Variants in GNAS-AS1 observed in about 807,000 individuals in gnomAD.
The protein encoded by GNAS-AS1 is GNAS antisense RNA 1 (non-protein coding).
At chr20:58,818,972 C>T (rs1008331208) in exon 5 of GNAS-AS1, 11 of 398,278 alleles carry the variant, frequency 2.8e-5, no homozygotes, top group African/African-American at 2.1e-4. Flanking sequence ...CTAGATACGC[C>T]CCATCTCCAA....
Position 58,841,673 on chromosome 20 carries a change from G to A in GNAS-AS1, n.819+264C>T. The A allele has an allele frequency of 8.5e-7, 1 of 1,169,754 alleles. No individual in the cohort carries two copies. The highest frequency in any genetic ancestry group is 1.1e-6 in the Non-Finnish European group (1 of 948,268). The allele number at this position is 1,169,754 out of a possible 1,614,324, so 72.5% of individuals were successfully genotyped here. On this transcript the variant is annotated intron_variant and non_coding_transcript_variant, in intron 4 of 4. Coordinates refer to ENST00000424094, the Ensembl canonical transcript of GNAS-AS1. The surrounding 1 kb of genome is among the most constrained non-coding windows in gnomAD (Gnocchi z 5.0). Reference sequence around the variant, plus strand: ...GGCGGTTAGGGGAAAGTACCTGGGGGAAAGGTAGAGGAGGTAAGGGGACCC... The same window carrying A: ...GGCGGTTAGGGGAAAGTACCTGGGGAAAAGGTAGAGGAGGTAAGGGGACCC...
chr20:58,825,718 T>G (rs1157825637), intron 4 of GNAS-AS1, among the ~76,000 whole-genome samples: 1 of 152,158 alleles, frequency 6.6e-6, no homozygotes, highest in African/African-American at 2.4e-5. Context: ...CTAAGGTACT[T>G]TTGCGCTTAG....
At position 58,830,378 on chromosome 20, in the gene GNAS-AS1, A is replaced by ACCG. The variant is rs1245361743; in HGVS notation, n.820-11124_820-11123insCGG. Among the ~76,000 whole-genome samples the ACCG allele has an allele frequency of 5.5e-4, 66 of 120,804 alleles. 5 individuals carry two copies. Among genetic ancestry groups the ACCG allele is most frequent in the African/African-American group, 1.2e-3 (37 of 29,850 alleles). The allele number at this position is 120,804 out of a possible 152,430, so 79.3% of individuals were successfully genotyped here. On this transcript the variant is annotated intron_variant and non_coding_transcript_variant, in intron 4 of 4. Transcript: ENST00000424094. Reference sequence around the variant, plus strand: ...CCATCACCACCACCACAACACCATCACCACAATCACCACCACCATCACTGC... The same window carrying ACCG: ...CCATCACCACCACCACAACACCATCACCGCCACAATCACCACCACCATCACTGC...
Position 58,840,899 on chromosome 20 carries a change from C to A in GNAS-AS1, n.819+1038G>T. ...TTCATGGATTCAGGTTAGTTGCCCA[C>A]CGCTAAACTGGGGAGCCTGAGGGCG... On this transcript the variant is annotated intron_variant and non_coding_transcript_variant, in intron 4 of 4. Transcript: ENST00000424094. The surrounding 1 kb of genome is among the most constrained non-coding windows in gnomAD (Gnocchi z 6.0). The A allele has an allele frequency of 6.2e-7, 1 of 1,612,070 alleles. No individual in the cohort carries two copies. Among genetic ancestry groups the A allele is most frequent in the Non-Finnish European group, 8.5e-7 (1 of 1,179,646 alleles).
chr20:58,843,690 A>C (rs1319316291), intron 2 of GNAS-AS1, among the ~76,000 whole-genome samples: 1 of 152,198 alleles, frequency 6.6e-6, no homozygotes, highest in African/African-American at 2.4e-5. Context: ...GCTAAACATG[A>C]TGATATGCCC....
At chr20:58,850,408 C>G (rs1259035435) in intron 1 of GNAS-AS1, 3 of 397,344 alleles carry the variant, frequency 7.6e-6, no homozygotes, top group Non-Finnish European at 1.3e-5. Flanking sequence ...GAACAGAGAC[C>G]CTGAACCCGT....
chr20:58,828,177 G>A (rs2145454263), intron 4 of GNAS-AS1, among the ~76,000 whole-genome samples: 1 of 152,358 alleles, frequency 6.6e-6, no homozygotes, highest in African/African-American at 2.4e-5. Context: ...CTTCCCGGCT[G>A]CCATGTGGAC....
chr20:58,821,667 C>G (rs1394660063), intron 4 of GNAS-AS1, among the ~76,000 whole-genome samples: 4 of 152,158 alleles, frequency 2.6e-5, no homozygotes, highest in Non-Finnish European at 5.9e-5. Flanking sequence ...CAGGAGGAGA[C>G]TCACACTTCT....
In GNAS-AS1 at chr20:58,840,784, C is replaced by A. The variant is rs759229542; in HGVS notation, n.819+1153G>T. On this transcript the variant is annotated intron_variant and non_coding_transcript_variant, in intron 4 of 4. Coordinates refer to ENST00000424094, the Ensembl canonical transcript of GNAS-AS1. The surrounding 1 kb of genome is among the most constrained non-coding windows in gnomAD (Gnocchi z 6.0). ...GCTGCAAGCCAAAGAAGCCCACCCG[C>A]CGTGACGCGTCCCCGGAGTCCCCTT... 2.5e-6 allele frequency: 4 copies of A among 1,611,174 alleles called. No individual in the cohort carries two copies. Among genetic ancestry groups the A allele is most frequent in the Non-Finnish European group, 3.4e-6 (4 of 1,179,904 alleles).
At chr20:58,832,495 TC>T (rs1235875502) in intron 4 of GNAS-AS1, among the ~76,000 whole-genome samples, 1 of 152,168 alleles carries the variant, frequency 6.6e-6, no homozygotes, top group Non-Finnish European at 1.5e-5. Flanking sequence ...GGACAAAACA[TC>T]AGAGAATGCT....
chr20:58,824,151 C>T, intron 4 of GNAS-AS1: 1 of 398,486 alleles, frequency 2.5e-6, no homozygotes, highest in Non-Finnish European at 4.4e-6. Context: ...AGTCTACTGT[C>T]CAAAACTGCC....
intron 4 of GNAS-AS1, among the ~76,000 whole-genome samples, chr20:58,830,168 T>A (rs2085545043): frequency 6.9e-6 from 1 of 144,394 alleles, no homozygotes; most frequent in African/African-American, 2.6e-5. Flanking sequence ...ACCACTGCTA[T>A]ACCACTATCA....
intron 4 of GNAS-AS1, chr20:58,824,160 C>T: frequency 2.5e-6 from 1 of 398,396 alleles, no homozygotes; most frequent in Non-Finnish European, 4.4e-6. Context: ...TCCAAAACTG[C>T]CAGGGGTGAA....
At chr20:58,830,475 T>TCAC (rs1568900398) in intron 4 of GNAS-AS1, among the ~76,000 whole-genome samples, 44 of 48,994 alleles carry the variant, frequency 9.0e-4, no homozygotes, top group Non-Finnish European at 1.4e-3. Context: ...CACACCACCA[T>TCAC]CATCACCATC....
In GNAS-AS1 at chr20:58,840,910, G is replaced by C; in HGVS notation, n.819+1027C>G. 2 of 1,610,470 alleles carry C rather than the reference G, an allele frequency of 1.2e-6. No individual in the cohort carries two copies. Among genetic ancestry groups the C allele is most frequent in the Non-Finnish European group, 1.7e-6 (2 of 1,178,828 alleles). ...AGGTTAGTTGCCCACCGCTAAACTG[G>C]GGAGCCTGAGGGCGGTGTGGGAGCA... On this transcript the variant is annotated intron_variant and non_coding_transcript_variant, in intron 4 of 4. Transcript: ENST00000424094. The surrounding 1 kb of genome is among the most constrained non-coding windows in gnomAD (Gnocchi z 6.0).
intron 4 of GNAS-AS1, among the ~76,000 whole-genome samples, chr20:58,820,056 AG>A (rs1350311651): frequency 6.6e-6 from 1 of 152,198 alleles, no homozygotes; most frequent in African/African-American, 2.4e-5. Context: ...GCCCCACCAG[AG>A]CCCCCAGGTT....
chr20:58,828,202 T>C (rs977751864), intron 4 of GNAS-AS1, among the ~76,000 whole-genome samples: 3 of 152,236 alleles, frequency 2.0e-5, no homozygotes, highest in Non-Finnish European at 4.4e-5. Flanking sequence ...CCAGGCTGAT[T>C]ACTAAAGACA....
In GNAS-AS1 at chr20:58,841,128, G is replaced by A. The variant is rs2085703821; in HGVS notation, n.819+809C>T. On this transcript the variant is annotated intron_variant and non_coding_transcript_variant, in intron 4 of 4. Coordinates refer to ENST00000424094, the Ensembl canonical transcript of GNAS-AS1. This position sits in a 1 kb window ranked among gnomAD's most constrained non-coding sequence, Gnocchi z 5.0. Reference sequence around the variant, plus strand: ...CGGGGCGCACGCCGTGCGTCCCGCTGGAGACAACCTGAGGTCTCCGAGCTG... The same window carrying A: ...CGGGGCGCACGCCGTGCGTCCCGCTAGAGACAACCTGAGGTCTCCGAGCTG... Among the ~76,000 whole-genome samples, 1 of 152,116 alleles carries A rather than the reference G, an allele frequency of 6.6e-6. No individual in the cohort carries two copies. Among genetic ancestry groups the A allele is most frequent in the South Asian group, 2.1e-4 (1 of 4,832 alleles).
At chr20:58,830,280 ACAC>A (rs1374194250) in intron 4 of GNAS-AS1, among the ~76,000 whole-genome samples, 58 of 135,192 alleles carry the variant, frequency 4.3e-4, no homozygotes, top group African/African-American at 1.3e-3. Flanking sequence ...CACCACCGCC[ACAC>A]CACCATCACC....
Sources: allele counts gnomAD v4.1 joint callset (sites outside exome capture counted in the v4.1 genomes callset), GRCh38; gene constraint gnomAD v4.1.1; non-coding constraint Gnocchi (gnomAD v3.1); transcripts MANE v1.5; gene names NCBI Gene and HGNC (gene_info 2026-07-23, HGNC 2026-07-21).